The following ATG2B variants were observed in gnomAD, a reference collection of about 807,000 sequenced individuals.
ATG2B encodes the protein autophagy related 2B.
In ATG2B, 121 loss-of-function variants were observed where a neutral mutation model predicts 241.3. The ratio of observed to expected loss-of-function variants is 0.50; its 90% CI spans 0.43 to 0.58. ATG2B has a LOEUF of 0.58. ATG2B is among the 20% of genes least tolerant of loss of function. ATG2B has a pLI of 0.00. For missense variants in ATG2B, 2,306 were observed against 2,491.6 expected (o/e 0.93, Z 1.59); for synonymous variants, 858 against 876.6 (o/e 0.98, Z 0.37).
At chr14:96,305,452 T>C (rs1474281295) in intron 31 of ATG2B, 137 bp downstream of exon 31, 8 of 580,330 alleles carry the variant, frequency 1.4e-5, no homozygotes, top group Non-Finnish European at 2.4e-5. Context: ...CAGTTTTTAA[T>C]ACTACTTTAT....
chr14:96,346,127 T>A (rs1888163340), intron 2 of ATG2B, among the ~76,000 whole-genome samples: 1 of 152,274 alleles, frequency 6.6e-6, no homozygotes, highest in Non-Finnish European at 1.5e-5. Context: ...ACAGGAAATG[T>A]GGCAGAAGTA....
chr14:96,336,070 T>C (rs974090823), intron 6 of ATG2B, among the ~76,000 whole-genome samples: 3 of 151,504 alleles, frequency 2.0e-5, no homozygotes, highest in African/African-American at 7.3e-5. Context: ...TTCAATAAAA[T>C]GCATTCCTAA....
In ATG2B at chr14:96,289,463, T is replaced by C. The variant is rs543137945; in HGVS notation, c.6006+193A>G. 742 of 586,246 alleles carry C rather than the reference T, an allele frequency of 1.3e-3. No homozygotes were observed. The highest frequency in any genetic ancestry group is 2.0e-3 in the Non-Finnish European group (666 of 335,300). The allele number at this position is 586,246 out of a possible 1,614,324, so 36.3% of individuals were successfully genotyped here. ...CCACCCACGCAATCACTAGTATTCCTGTCAGCCTATTGGTCCCAGACTGGC... is the reference window on the plus strand; with the variant it reads ...CCACCCACGCAATCACTAGTATTCCCGTCAGCCTATTGGTCCCAGACTGGC... On this transcript the variant is annotated intron_variant, in intron 41 of 41. Transcript: ENST00000359933. This position sits in a 1 kb window ranked among gnomAD's most constrained non-coding sequence, Gnocchi z 4.3.
At position 96,296,276 on chromosome 14, in the gene ATG2B, T is replaced by C. The variant is rs540741201; in HGVS notation, c.5140-716A>G. The stretch of plus-strand genomic sequence containing the variant: ...TATTCAAAATAATGAAAATAATCCA[T>C]TCAGTATGGTCTCTCCTGAAATTAC... On this transcript the variant is annotated intron_variant, in intron 34 of 41. Coordinates refer to ENST00000359933, the MANE Select transcript of ATG2B (RefSeq NM_018036.7). 6.6e-5 allele frequency among the ~76,000 whole-genome samples: 10 copies of C among 152,310 alleles called. No homozygotes were observed. The East Asian group carries it at 1.9e-3, about 29-fold the overall frequency.
intron 1 of ATG2B, among the ~76,000 whole-genome samples, chr14:96,362,303 C>T (rs185358001): frequency 1.3e-5 from 2 of 152,210 alleles, no homozygotes; most frequent in African/African-American, 2.4e-5. Flanking sequence ...GCACAAGAGG[C>T]CTTCACCTAA....
At chr14:96,352,451 G>C (rs765595183) in intron 1 of ATG2B, among the ~76,000 whole-genome samples, 7 of 152,146 alleles carry the variant, frequency 4.6e-5, no homozygotes, top group African/African-American at 1.7e-4. Flanking sequence ...AGAAGGCATT[G>C]TTATCATAGG....
intron 36 of ATG2B, among the ~76,000 whole-genome samples, chr14:96,293,458 C>A (rs2139838815): frequency 6.6e-6 from 1 of 152,110 alleles, no homozygotes; most frequent in Non-Finnish European, 1.5e-5. Context: ...TTCATTTGTG[C>A]CTAGATCAAA....
At chr14:96,311,678 C>A (rs1887161302) in intron 26 of ATG2B, 60 bp from the exon 27 acceptor site, 1 of 1,030,252 alleles carries the variant, frequency 9.7e-7, no homozygotes, top group Non-Finnish European at 1.5e-6. Context: ...GTGTATCCAA[C>A]CAACACCCAA....
At chr14:96,287,007 G>A (rs1359174261) in intron 41 of ATG2B, among the ~76,000 whole-genome samples, 2 of 152,060 alleles carry the variant, frequency 1.3e-5, no homozygotes, top group Non-Finnish European at 2.9e-5. Context: ...TGTAATCTCA[G>A]CACTTTAGGA....
In ATG2B at chr14:96,311,076, C is replaced by T. The variant is rs971739430; in HGVS notation, c.4161+41G>A. On this transcript the variant is annotated intron_variant, in intron 28 of 41. Transcript: ENST00000359933. ...AGACCTCAATAATGTAAACATGTCA[C>T]GACATGGCAGGGACTGGAGGAATCA... 5.9e-6 allele frequency: 9 copies of T among 1,533,060 alleles called. No homozygotes were observed. In the South Asian group the frequency reaches 7.5e-5, roughly 13 times the overall value. 95.0% of individuals were successfully genotyped at this position (1,533,060 alleles called of 1,614,324 possible).
At chr14:96,339,939 C>G (rs1887967135) in intron 6 of ATG2B, among the ~76,000 whole-genome samples, 1 of 150,910 alleles carries the variant, frequency 6.6e-6, no homozygotes, top group Non-Finnish European at 1.5e-5. Flanking sequence ...CCATATGATT[C>G]AACAATTCCA....
chr14:96,343,468 A>G (rs1888097542), intron 4 of ATG2B, among the ~76,000 whole-genome samples, 187 bp from the exon 5 acceptor site: 1 of 152,180 alleles, frequency 6.6e-6, no homozygotes, highest in South Asian at 2.1e-4. Flanking sequence ...AGAAACGCAC[A>G]TAGCTTTTTT....
At chr14:96,304,369 G>A in intron 32 of ATG2B, 126 bp downstream of exon 32, 1 of 605,778 alleles carries the variant, frequency 1.7e-6, no homozygotes, top group Non-Finnish European at 3.0e-6. Flanking sequence ...TTTTATACAA[G>A]ATCCTTGCAC....
In ATG2B at chr14:96,282,087, A is replaced by G. The variant is rs937511184; in HGVS notation, c.*3668T>C. On this transcript the variant is annotated 3_prime_UTR_variant, in exon 42 of 42. Coordinates refer to ENST00000359933, the MANE Select transcript of ATG2B (RefSeq NM_018036.7). ...GTTGAGATAAAAAGAAGTTGGCATT[A>G]AAGCACTATTTGTCTTATATGAAAA... 1 of 152,246 alleles carries G rather than the reference A, an allele frequency of 6.6e-6. No individual in the cohort carries two copies. The highest frequency in any genetic ancestry group is 2.4e-5 in the African/African-American group (1 of 41,454). 9.4% of individuals were successfully genotyped at this position (152,246 alleles called of 1,614,324 possible).
intron 4 of ATG2B, 141 bp downstream of exon 4, chr14:96,344,513 G>C (rs1298179497): frequency 6.5e-6 from 3 of 458,192 alleles, no homozygotes; most frequent in Non-Finnish European, 1.2e-5. Context: ...AATAAAATTA[G>C]CAAATAACTT....
chr14:96,342,730 A>AC (rs202088705), intron 5 of ATG2B, among the ~76,000 whole-genome samples: 1,620 of 151,876 alleles, frequency 0.011, 31 homozygotes, highest in African/African-American at 0.037. Flanking sequence ...AAAAAAAAAA[A>AC]AAACAAACAT....
intron 20 of ATG2B, 28 bp downstream of exon 20, chr14:96,317,115 GAA>G: frequency 6.4e-7 from 1 of 1,564,984 alleles, no homozygotes; most frequent in Non-Finnish European, 8.7e-7. Context: ...AGATACATTT[GAA>G]AAAACACTTC....
Position 96,362,899 on chromosome 14 carries a change from C to A in ATG2B, c.78G>T (p.Leu26=), listed in dbSNP as rs369758312. The change falls in exon 1 of 42, where the codon CTG becomes CTT. Residue 26 remains leucine, a synonymous_variant. Transcript: ENST00000359933. ...YLLQRYLGHF[L]QEKLSLEQLS... ...GCTGCTCCAGGCTCAGCTTCTCCTG[C>A]AGAAAGTGGCCCAGGTACCTCTGCA... The A allele has an allele frequency of 2.6e-5, 42 of 1,613,682 alleles. No individual in the cohort carries two copies. In the African/African-American group the frequency reaches 4.9e-4, roughly 19 times the overall value.
chr14:96,311,565 T>G lies in ATG2B; in HGVS notation c.3967A>C (p.Lys1323Gln). The change falls in exon 27 of 42, where the codon AAG (lysine) becomes CAG (glutamine). Residue 1323 changes from lysine to glutamine, a missense_variant. Around this residue, in one of 2 missense-constraint regions of ATG2B, gnomAD observed 1,927 missense variants for 2,011.2 expected, o/e 0.96. Transcript: ENST00000359933. ...ACTTGCTCTCCATCAGAATCAGACTTCACTGCAGTTATGGTTAACTCCAAA... is the reference window on the plus strand; with the variant it reads ...ACTTGCTCTCCATCAGAATCAGACTGCACTGCAGTTATGGTTAACTCCAAA... ...GLLELTITAV[K>Q]SDSDGEQTEP... 1 of 1,608,852 alleles carries G rather than the reference T, an allele frequency of 6.2e-7. No homozygotes were observed. Among genetic ancestry groups the G allele is most frequent in the Non-Finnish European group, 8.5e-7 (1 of 1,176,606 alleles).
Sources: gnomAD v4.1 joint callset for allele counts (sites outside exome capture counted in the v4.1 genomes callset) on GRCh38, gnomAD v4.1.1 for gene constraint, gnomAD v4.1.1 regional missense constraint, Gnocchi (gnomAD v3.1) non-coding constraint, MANE v1.5 for transcripts, NCBI Gene and HGNC (gene_info 2026-07-23, HGNC 2026-07-21) for gene names.